Variants in DISC1 observed in about 807,000 individuals in gnomAD.
The protein encoded by DISC1 is disrupted in schizophrenia 1 protein.
In DISC1, 57 loss-of-function variants were observed where a neutral mutation model predicts 84.5. The ratio of observed to expected loss-of-function variants is 0.67; its 90% CI spans 0.55 to 0.84. DISC1 has a LOEUF of 0.84. Among genes scored for constraint, DISC1 ranks in the 40% least tolerant of loss-of-function variants. The pLI is 0.00. For missense variants in DISC1, 1,000 were observed against 1,057.8 expected (o/e 0.95, Z 0.76); for synonymous variants, 411 against 415.2 (o/e 0.99, Z 0.12).
At position 231,800,224 on chromosome 1, in the gene DISC1, T is replaced by C. The variant is rs2079119241; in HGVS notation, c.1792+14T>C. ...ATGCCATATCAGGTAACTGGCAGTG[T>C]AGGAGACGTTGAAGCTATCCAACTA... is the stretch of plus-strand genomic sequence containing the variant. On this transcript the variant is annotated intron_variant, in intron 8 of 12. Transcript: ENST00000439617. The C allele has an allele frequency of 6.3e-7, 1 of 1,598,234 alleles. No individual in the cohort carries two copies. The highest frequency in any genetic ancestry group is 8.6e-7 in the Non-Finnish European group (1 of 1,167,200).
Position 232,009,895 on chromosome 1 carries a change from T to C in DISC1, c.2307+846T>C, listed in dbSNP as rs1157924448. ...GACACATGGCTTTCAAGTCTCATGGTTGATGTTAGATGTTAGCTGTGCTTC... is the reference window on the plus strand; with the variant it reads ...GACACATGGCTTTCAAGTCTCATGGCTGATGTTAGATGTTAGCTGTGCTTC... On this transcript the variant is annotated intron_variant, in intron 11 of 12. Coordinates refer to ENST00000439617, the MANE Select transcript of DISC1 (RefSeq NM_018662.3). The surrounding 1 kb of genome is among the most constrained non-coding windows in gnomAD (Gnocchi z 4.6). 6.6e-6 allele frequency among the ~76,000 whole-genome samples: 1 copy of C among 152,214 alleles called. No homozygotes were observed. Among genetic ancestry groups the C allele is most frequent in the Non-Finnish European group, 1.5e-5 (1 of 68,040 alleles).
chr1:231,924,814 G>T (rs2090249053), intron 9 of DISC1, among the ~76,000 whole-genome samples: 1 of 151,884 alleles, frequency 6.6e-6, no homozygotes, highest in Non-Finnish European at 1.5e-5. Context: ...CTGCCACCAT[G>T]CCTGGCTAAT....
At position 231,638,166 on chromosome 1, in the gene DISC1, C is replaced by T. The variant is rs149654084; in HGVS notation, c.67+11232C>T. ...AAAATGTCTATTCATGTCCTTTTCA[C>T]ACTTTTTAATGGAATTATTTTGTTG... is the stretch of plus-strand genomic sequence containing the variant. On this transcript the variant is annotated intron_variant, in intron 1 of 12. Transcript: ENST00000439617. Among the ~76,000 whole-genome samples, 51 of 152,276 alleles carry T rather than the reference C, an allele frequency of 3.3e-4. 1 individual carries two copies. In the East Asian group the frequency reaches 9.6e-3, roughly 29 times the overall value.
intron 1 of DISC1, among the ~76,000 whole-genome samples, chr1:231,663,459 G>T (rs947645443): frequency 3.3e-5 from 5 of 152,160 alleles, no homozygotes; most frequent in African/African-American, 9.7e-5. Context: ...GCAGTTTTCA[G>T]TTACTTCCTG....
chr1:231,658,689 G>T (rs933802272), intron 1 of DISC1, among the ~76,000 whole-genome samples: 1 of 152,056 alleles, frequency 6.6e-6, no homozygotes, highest in African/African-American at 2.4e-5. Context: ...TAACATGAAG[G>T]GATGCCAGAT....
At chr1:231,801,912 G>A (rs1285484594) in intron 8 of DISC1, among the ~76,000 whole-genome samples, 3 of 150,566 alleles carry the variant, frequency 2.0e-5, no homozygotes, top group Admixed American at 6.7e-5. Context: ...TCTGCCTCCT[G>A]GGTTCATACC....
At chr1:231,976,203 C>G (rs1662774953) in intron 10 of DISC1, among the ~76,000 whole-genome samples, 1 of 152,108 alleles carries the variant, frequency 6.6e-6, no homozygotes, top group Non-Finnish European at 1.5e-5. Context: ...ATCTCCAGCT[C>G]CAGCATGACT....
At chr1:231,734,503 G>GCACA (rs1283118289) in intron 3 of DISC1, among the ~76,000 whole-genome samples, 1 of 150,486 alleles carries the variant, frequency 6.6e-6, no homozygotes, top group Non-Finnish European at 1.5e-5. Flanking sequence ...TCTCTCTCAC[G>GCACA]CACACACACA....
chr1:231,937,735 C>T (rs200728786), intron 9 of DISC1, among the ~76,000 whole-genome samples: 5 of 152,034 alleles, frequency 3.3e-5, no homozygotes, highest in African/African-American at 9.7e-5. Context: ...GAAGGGGACC[C>T]GGCTTCGATG....
chr1:231,917,176 T>A (rs914032368), intron 9 of DISC1, among the ~76,000 whole-genome samples: 1 of 152,222 alleles, frequency 6.6e-6, no homozygotes, highest in Admixed American at 6.5e-5. Context: ...AGGATTCCAA[T>A]GCTCCTTCCA....
At chr1:231,895,743 C>T (rs1400357458) in intron 9 of DISC1, among the ~76,000 whole-genome samples, 1 of 152,122 alleles carries the variant, frequency 6.6e-6, no homozygotes, top group Non-Finnish European at 1.5e-5. Flanking sequence ...GTACCAGTCT[C>T]ATAAAATAAC....
rs1435348887 is a variant in DISC1, at chr1:231,954,276, A to T, written c.1982-4552A>T. ...TGGAAGCCGTGTCCTTTTTCTATTTAATTAGTGCCAAGTATATGGTCTTGC... is the reference window on the plus strand; with the variant it reads ...TGGAAGCCGTGTCCTTTTTCTATTTTATTAGTGCCAAGTATATGGTCTTGC... On this transcript the variant is annotated intron_variant, in intron 9 of 12. Transcript: ENST00000439617. The surrounding 1 kb of genome is among the most constrained non-coding windows in gnomAD (Gnocchi z 4.8). Among the ~76,000 whole-genome samples, 1 of 152,128 alleles carries T rather than the reference A, an allele frequency of 6.6e-6. No homozygotes were observed. The highest frequency in any genetic ancestry group is 6.6e-5 in the Admixed American group (1 of 15,256).
At chr1:231,848,969 C>G (rs1490713248) in intron 9 of DISC1, among the ~76,000 whole-genome samples, 2 of 152,176 alleles carry the variant, frequency 1.3e-5, no homozygotes, top group Admixed American at 1.3e-4. Context: ...ATTTAAAAGA[C>G]AAGAACTGAC....
chr1:231,714,087 T>C (rs540439123), intron 3 of DISC1, among the ~76,000 whole-genome samples: 1 of 152,154 alleles, frequency 6.6e-6, no homozygotes, highest in African/African-American at 2.4e-5. Context: ...GTCATGTTTT[T>C]ATCTACCTGG....
At chr1:231,802,598 G>A (rs971762406) in intron 8 of DISC1, among the ~76,000 whole-genome samples, 2 of 152,162 alleles carry the variant, frequency 1.3e-5, no homozygotes, top group African/African-American at 4.8e-5. Flanking sequence ...TTTGCAGAGA[G>A]TAGGAATAAC....
rs2102713733 is a variant in DISC1, at chr1:231,952,864, C to T, written c.1982-5964C>T. Reference sequence around the variant, plus strand: ...TGGTCAGTACTCTTTGTAACTCTGACTTTTTACAGCACAGCCTTTGGCCTC... The same window carrying T: ...TGGTCAGTACTCTTTGTAACTCTGATTTTTTACAGCACAGCCTTTGGCCTC... On this transcript the variant is annotated intron_variant, in intron 9 of 12. Transcript: ENST00000439617. Among the ~76,000 whole-genome samples the T allele has an allele frequency of 1.3e-5, 2 of 152,080 alleles. 1 individual carries two copies. The highest frequency in any genetic ancestry group is 4.1e-4 in the South Asian group (2 of 4,822).
At chr1:231,748,288 G>A (rs1558473342) in intron 3 of DISC1, among the ~76,000 whole-genome samples, 1 of 152,180 alleles carries the variant, frequency 6.6e-6, no homozygotes. Context: ...TAAGACTGGT[G>A]ACAGTTGGGC....
intron 9 of DISC1, among the ~76,000 whole-genome samples, chr1:231,912,632 A>T (rs1343277584): frequency 6.6e-6 from 1 of 152,028 alleles, no homozygotes; most frequent in Non-Finnish European, 1.5e-5. Context: ...GCAGTCAGGG[A>T]CCCACTTGAG....
intron 3 of DISC1, among the ~76,000 whole-genome samples, chr1:231,732,236 A>G (rs967538190): frequency 6.6e-6 from 1 of 152,210 alleles, no homozygotes; most frequent in Non-Finnish European, 1.5e-5. Context: ...ATAACTAGCT[A>G]TCTATGTGCC....
Sources: gnomAD v4.1 joint callset for allele counts (sites outside exome capture counted in the v4.1 genomes callset) on GRCh38, gnomAD v4.1.1 for gene constraint, Gnocchi (gnomAD v3.1) non-coding constraint, MANE v1.5 for transcripts, NCBI Gene and HGNC (gene_info 2026-07-23, HGNC 2026-07-21) for gene names.